The following PARVA variants were observed in gnomAD, a reference collection of about 807,000 sequenced individuals.
PARVA encodes alpha-parvin.
PARVA carries 25 observed loss-of-function variants against 52.6 expected under a neutral mutation model. The observed-to-expected ratio is 0.48, with a 90% CI of 0.35 to 0.66. The LOEUF (loss-of-function observed/expected upper bound fraction) is 0.66. Among genes scored for constraint, PARVA ranks in the 30% least tolerant of loss-of-function variants. The pLI, the probability that PARVA is intolerant of heterozygous loss-of-function variation, is 0.01. For missense variants in PARVA, 373 were observed against 450.9 expected (o/e 0.83, Z 1.56); for synonymous variants, 185 against 179.1 (o/e 1.03, Z -0.26).
intron 5 of PARVA, among the ~76,000 whole-genome samples, chr11:12,502,801 T>C (rs1019278606): frequency 1.5e-5 from 2 of 129,878 alleles, no homozygotes; most frequent in Non-Finnish European, 3.5e-5. Context: ...GTGTAACTAT[T>C]TTCATTTTTT....
At chr11:12,519,033 C>T (rs2059612) in intron 12 of PARVA, among the ~76,000 whole-genome samples, 149,815 of 152,342 alleles carry the variant, frequency 0.98, 73,706 homozygotes, top group Middle Eastern at 1. Context: ...TCTGCAGCCC[C>T]TGCATACTCC....
chr11:12,498,928 A>T (rs1027167754), intron 5 of PARVA, among the ~76,000 whole-genome samples: 2 of 152,106 alleles, frequency 1.3e-5, no homozygotes, highest in African/African-American at 4.8e-5. Flanking sequence ...CATCACACGT[A>T]TTTTCTACAT....
At chr11:12,502,089 T>C (rs1941370141) in intron 5 of PARVA, among the ~76,000 whole-genome samples, 1 of 152,178 alleles carries the variant, frequency 6.6e-6, no homozygotes, top group African/African-American at 2.4e-5. Context: ...CAGGATCTTT[T>C]TTTGAGGCTG....
At chr11:12,457,031 G>A (rs1030098874) in intron 1 of PARVA, among the ~76,000 whole-genome samples, 8 of 152,138 alleles carry the variant, frequency 5.3e-5, no homozygotes, top group Admixed American at 6.5e-5. Context: ...CTTATATTGT[G>A]CGTGTTTATT....
intron 1 of PARVA, among the ~76,000 whole-genome samples, chr11:12,444,054 G>C (rs1940509166): frequency 6.6e-6 from 1 of 152,128 alleles, no homozygotes; most frequent in Admixed American, 6.5e-5. Context: ...GACACCATGT[G>C]GTGGCTTCAG....
intron 1 of PARVA, among the ~76,000 whole-genome samples, chr11:12,415,466 T>A (rs376105811): frequency 7.0e-4 from 105 of 149,782 alleles, no homozygotes; most frequent in African/African-American, 2.5e-3. Flanking sequence ...CCCCAACATG[T>A]GCTTCAATAA....
In PARVA at chr11:12,522,421, C is replaced by CTTTTTTTTTT. The variant is rs66494894; in HGVS notation, c.1042+3912_1042+3921dup. ...TAGACAACAAATCAAGAGCTTTATT[C>CTTTTTTTTTT]TTTTTTTTTTTTTTTTTCTTGAGAC... On this transcript the variant is annotated intron_variant, in intron 12 of 12. Transcript: ENST00000334956. Among the ~76,000 whole-genome samples, 21 of 134,602 alleles carry CTTTTTTTTTT rather than the reference C, an allele frequency of 1.6e-4. 1 individual carries two copies. The highest frequency in any genetic ancestry group is 2.2e-4 in the East Asian group (1 of 4,466). 88.3% of individuals were successfully genotyped at this position (134,602 alleles called of 152,430 possible).
chr11:12,475,035 C>T, intron 3 of PARVA, among the ~76,000 whole-genome samples: 1 of 152,100 alleles, frequency 6.6e-6, no homozygotes, highest in East Asian at 1.9e-4. Flanking sequence ...CTGTGCAAGA[C>T]CTCTCAGAGT....
At chr11:12,479,154 C>T (rs190557638) in intron 4 of PARVA, 1 of 152,212 alleles carries the variant, frequency 6.6e-6, no homozygotes, top group Non-Finnish European at 1.5e-5. Context: ...ATTAACATGC[C>T]TGTACCTTTG....
chr11:12,511,958 G>T (rs1755707476), intron 8 of PARVA, among the ~76,000 whole-genome samples: 1 of 152,004 alleles, frequency 6.6e-6, no homozygotes, highest in South Asian at 2.1e-4. Context: ...GTGTGCAGAT[G>T]GATAAACAAC....
chr11:12,493,000 A>G (rs1283754966), intron 4 of PARVA, among the ~76,000 whole-genome samples: 1 of 152,236 alleles, frequency 6.6e-6, no homozygotes, highest in Non-Finnish European at 1.5e-5. Flanking sequence ...TATGATATAT[A>G]TATGAGTGGA....
intron 10 of PARVA, 72 bp from the exon 11 acceptor site, chr11:12,517,538 T>G: frequency 8.6e-7 from 1 of 1,158,884 alleles, no homozygotes; most frequent in South Asian, 1.3e-5. Flanking sequence ...AGCACAGAAG[T>G]TGATGGGCCC....
intron 1 of PARVA, among the ~76,000 whole-genome samples, chr11:12,394,705 A>G (rs1939708411): frequency 1.3e-5 from 2 of 152,192 alleles, no homozygotes; most frequent in South Asian, 4.1e-4. Context: ...ATCCTCCTGT[A>G]TACACAAGAG....
At chr11:12,503,924 G>A (rs1589983179) in intron 5 of PARVA, among the ~76,000 whole-genome samples, 1 of 152,146 alleles carries the variant, frequency 6.6e-6, no homozygotes, top group Non-Finnish European at 1.5e-5. Flanking sequence ...CATCTGCCTG[G>A]CTTCCAGGGA....
intron 1 of PARVA, among the ~76,000 whole-genome samples, chr11:12,382,368 T>A (rs888951292): frequency 6.7e-6 from 1 of 149,654 alleles, no homozygotes; most frequent in Non-Finnish European, 1.5e-5. Flanking sequence ...ATTTGTGACA[T>A]GAGTAACTTT....
chr11:12,424,500 A>C (rs1223848419), intron 1 of PARVA, among the ~76,000 whole-genome samples: 1 of 152,200 alleles, frequency 6.6e-6, no homozygotes, highest in Non-Finnish European at 1.5e-5. Flanking sequence ...AATTTAAATA[A>C]ATTTAAAAAT....
At chr11:12,429,301 T>C (rs1224301640) in intron 1 of PARVA, among the ~76,000 whole-genome samples, 8 of 152,116 alleles carry the variant, frequency 5.3e-5, no homozygotes, top group Non-Finnish European at 1.2e-4. Context: ...TACTAACCCT[T>C]TAGCCCTTTA....
At chr11:12,526,120 T>A (rs550794024) in intron 12 of PARVA, among the ~76,000 whole-genome samples, 1 of 152,336 alleles carries the variant, frequency 6.6e-6, no homozygotes, top group Non-Finnish European at 1.5e-5. Context: ...AGGTACAATG[T>A]GCAGTACTTG....
At position 12,460,409 on chromosome 11, in the gene PARVA, G is replaced by C. The variant is rs1196960166; in HGVS notation, c.137-13336G>C. On this transcript the variant is annotated intron_variant, in intron 1 of 12. Transcript: ENST00000334956. ...TACCTACTCATTGGATTGTTGCAAAGATTATATGAGTTAATACATGTAAAA... is the reference window on the plus strand; with the variant it reads ...TACCTACTCATTGGATTGTTGCAAACATTATATGAGTTAATACATGTAAAA... Among the ~76,000 whole-genome samples, 3 of 152,112 alleles carry C rather than the reference G, an allele frequency of 2.0e-5. No individual in the cohort carries two copies. In the East Asian group the frequency reaches 5.8e-4, roughly 29 times the overall value.
Sources: allele counts gnomAD v4.1 joint callset (sites outside exome capture counted in the v4.1 genomes callset), GRCh38; gene constraint gnomAD v4.1.1; transcripts MANE v1.5; gene names NCBI Gene and HGNC (gene_info 2026-07-23, HGNC 2026-07-21).